The following LEKR1 variants were observed in gnomAD, a reference collection of about 807,000 sequenced individuals.
LEKR1 encodes the protein leucine, glutamate and lysine rich 1.
Under a neutral mutation model 72.4 loss-of-function variants are expected in LEKR1, and 59 were observed. The ratio of observed to expected loss-of-function variants is 0.82; its 90% confidence interval spans 0.66 to 1.01. LEKR1 has a LOEUF of 1.01. Ranked by LOEUF, LEKR1 falls within the 50% of genes least tolerant of loss-of-function variation. The probability of loss-of-function intolerance (pLI) is 0.00; values close to 1 mark genes in which losing one functional copy is unlikely to be tolerated. For missense variants in LEKR1, 728 were observed against 759.2 expected (o/e 0.96, Z 0.48); for synonymous variants, 257 against 263.2 (o/e 0.98, Z 0.23).
intron 9 of LEKR1, among the ~76,000 whole-genome samples, chr3:157,005,965 T>A (rs1434452348): frequency 1.3e-5 from 2 of 151,232 alleles, no homozygotes; most frequent in African/African-American, 4.9e-5. Context: ...ATTAGGGAAA[T>A]GCAAACTAAA....
intron 10 of LEKR1, among the ~76,000 whole-genome samples, chr3:157,020,568 G>T (rs1298876171): frequency 6.6e-6 from 1 of 150,778 alleles, no homozygotes; most frequent in Admixed American, 6.6e-5. Context: ...TGAGAATGAT[G>T]ATTTCCAATT....
At chr3:156,940,925 G>C (rs1298985778) in intron 5 of LEKR1, among the ~76,000 whole-genome samples, 1 of 151,984 alleles carries the variant, frequency 6.6e-6, no homozygotes, top group African/African-American at 2.4e-5. Context: ...CATAGATATC[G>C]TTTTGGTATG....
In LEKR1 at chr3:156,927,538, A is replaced by T. The variant is rs760358629; in HGVS notation, c.493A>T (p.Asn165Tyr). 4.0e-6 allele frequency: 5 copies of T among 1,238,432 alleles called. No individual in the cohort carries two copies. The highest frequency in any genetic ancestry group is 5.2e-6 in the Non-Finnish European group (5 of 967,410). The allele number at this position is 1,238,432 out of a possible 1,614,324, so 76.7% of individuals were successfully genotyped here. Residue 165 changes from asparagine (N) to tyrosine (Y), a missense_variant, in exon 5 of 13, where the codon AAC (asparagine) becomes TAC (tyrosine). By Grantham distance (143) the Asn-to-Tyr change is moderately radical (BLOSUM62 -2). Transcript: ENST00000356539. ...IKNEVYDNYQ[N>Y]WTSLKGAVFL... The stretch of plus-strand genomic sequence containing the variant: ...AAATGAAGTATATGATAATTACCAA[A>T]ACTGGACTTCATTGAAAGGAGCAGT...
chr3:156,853,178 A>G lies in LEKR1; in HGVS notation c.263+196A>G, dbSNP rs868605758. On this transcript the variant is annotated intron_variant, in intron 3 of 12. Transcript: ENST00000356539. ...CTTTCTTTTGAGGCATATATTTACTATCTGAAAAATTAGAAACCAATTAAT... is the reference window on the plus strand; with the variant it reads ...CTTTCTTTTGAGGCATATATTTACTGTCTGAAAAATTAGAAACCAATTAAT... 9.4e-6 allele frequency: 3 copies of G among 317,762 alleles called. No homozygotes were observed. In the Middle Eastern group the frequency reaches 2.6e-3, roughly 278 times the overall value. The allele number at this position is 317,762 out of a possible 1,614,324, so 19.7% of individuals were successfully genotyped here. A position where few individuals can be genotyped will look rare whatever the true frequency, so the allele number is the denominator to read the frequency against.
At chr3:156,962,229 T>C (rs9814813) in intron 6 of LEKR1, among the ~76,000 whole-genome samples, 92,928 of 152,114 alleles carry the variant, frequency 0.61, 29,564 homozygotes, top group Admixed American at 0.73. Context: ...AGTGACTTGA[T>C]CAGCCTTTAT....
intron 10 of LEKR1, among the ~76,000 whole-genome samples, chr3:157,011,787 T>G (rs1732910140): frequency 6.6e-6 from 1 of 152,156 alleles, no homozygotes; most frequent in Non-Finnish European, 1.5e-5. Flanking sequence ...TTTTCTTATC[T>G]CCTCATCAAC....
At chr3:156,943,768 C>G (rs928225872) in intron 6 of LEKR1, among the ~76,000 whole-genome samples, 4 of 151,702 alleles carry the variant, frequency 2.6e-5, no homozygotes, top group African/African-American at 9.7e-5. Context: ...GGGAGCATAC[C>G]ACAGACTACA....
At chr3:156,866,442 G>C (rs1339490421) in intron 3 of LEKR1, among the ~76,000 whole-genome samples, 1 of 152,008 alleles carries the variant, frequency 6.6e-6, no homozygotes, top group African/African-American at 2.4e-5. Context: ...AGATTACTGT[G>C]AGGATGAGCA....
intron 7 of LEKR1, among the ~76,000 whole-genome samples, chr3:156,984,024 C>T (rs62275844): frequency 0.031 from 4,751 of 151,956 alleles, 107 homozygotes; most frequent in Non-Finnish European, 0.046. Context: ...ATAAGTATAA[C>T]TGATATCCCC....
intron 11 of LEKR1, among the ~76,000 whole-genome samples, chr3:157,025,581 A>G (rs1734128686): frequency 6.6e-6 from 1 of 152,222 alleles, no homozygotes; most frequent in African/African-American, 2.4e-5. Context: ...ACATTTGTGT[A>G]CAGGAGGTAT....
chr3:156,900,785 A>T (rs1056507340), intron 3 of LEKR1, among the ~76,000 whole-genome samples: 15 of 152,172 alleles, frequency 9.9e-5, no homozygotes, highest in African/African-American at 3.6e-4. Context: ...GCAGGCAGTA[A>T]TTTGAATTTT....
intron 6 of LEKR1, among the ~76,000 whole-genome samples, chr3:156,964,386 ACT>A (rs1012907464): frequency 5.3e-5 from 8 of 151,696 alleles, no homozygotes; most frequent in South Asian, 2.1e-4. Context: ...AGTTGTTCTC[ACT>A]CTTTTTTATT....
At chr3:156,998,173 T>C (rs1252864791) in intron 9 of LEKR1, among the ~76,000 whole-genome samples, 1 of 150,920 alleles carries the variant, frequency 6.6e-6, no homozygotes, top group Non-Finnish European at 1.5e-5. Flanking sequence ...GTCAGAACTC[T>C]GCCCAGAACT....
chr3:156,978,794 A>G (rs900327869), intron 6 of LEKR1, among the ~76,000 whole-genome samples: 3 of 152,224 alleles, frequency 2.0e-5, no homozygotes, highest in African/African-American at 7.2e-5. Context: ...AGACTCAGCC[A>G]TGCTTCACAG....
At chr3:156,845,657 G>C (rs905830084) in intron 2 of LEKR1, among the ~76,000 whole-genome samples, 2 of 151,974 alleles carry the variant, frequency 1.3e-5, no homozygotes, top group Admixed American at 6.6e-5. Flanking sequence ...ATTTATGGAG[G>C]TCGTTTTCTG....
At chr3:156,947,873 G>A (rs1205268661) in intron 6 of LEKR1, among the ~76,000 whole-genome samples, 1 of 151,058 alleles carries the variant, frequency 6.6e-6, no homozygotes, top group Non-Finnish European at 1.5e-5. Context: ...TTTGCAGACA[G>A]TTAGTCTTTC....
At chr3:157,011,759 T>A (rs1478628020) in intron 10 of LEKR1, among the ~76,000 whole-genome samples, 1 of 152,084 alleles carries the variant, frequency 6.6e-6, no homozygotes, top group Non-Finnish European at 1.5e-5. Flanking sequence ...GAAAAAGCAT[T>A]TTTTTTGCTT....
intron 3 of LEKR1, among the ~76,000 whole-genome samples, chr3:156,901,327 G>T (rs1458330097): frequency 6.6e-6 from 1 of 152,032 alleles, no homozygotes; most frequent in South Asian, 2.1e-4. Flanking sequence ...CAAAGAAGCA[G>T]CTGGGTACTT....
intron 3 of LEKR1, among the ~76,000 whole-genome samples, chr3:156,859,817 A>G (rs1220693750): frequency 6.6e-6 from 1 of 152,202 alleles, no homozygotes; most frequent in Non-Finnish European, 1.5e-5. Flanking sequence ...CCACTGATCT[A>G]TACTGTTGGT....
Sources: gnomAD v4.1 joint callset for allele counts (sites outside exome capture counted in the v4.1 genomes callset) on GRCh38, gnomAD v4.1.1 for gene constraint, MANE v1.5 for transcripts, NCBI Gene and HGNC (gene_info 2026-07-23, HGNC 2026-07-21) for gene names.